The following PLEKHA7 variants were observed in gnomAD, a reference collection of about 807,000 sequenced individuals.
The protein encoded by PLEKHA7 is pleckstrin homology domain-containing family A member 7.
In PLEKHA7, 104 loss-of-function variants were observed where a neutral mutation model predicts 170.0. That is an observed-to-expected ratio of 0.61 (90% CI 0.52 to 0.72). The LOEUF (loss-of-function observed/expected upper bound fraction) is 0.72. PLEKHA7 is among the 30% of genes least tolerant of loss of function. PLEKHA7 has a pLI of 0.00. For missense variants in PLEKHA7, 1,615 were observed against 1,671.7 expected (o/e 0.97, Z 0.59); for synonymous variants, 648 against 660.8 (o/e 0.98, Z 0.30).
At chr11:16,908,191 C>T (rs541377121) in intron 3 of PLEKHA7, among the ~76,000 whole-genome samples, 1 of 150,126 alleles carries the variant, frequency 6.7e-6, no homozygotes, top group African/African-American at 2.4e-5. Context: ...TGCTGACCTT[C>T]CCTCCACTAC....
intron 3 of PLEKHA7, among the ~76,000 whole-genome samples, chr11:16,951,184 C>T (rs1861382346): frequency 6.6e-6 from 1 of 152,136 alleles, no homozygotes; most frequent in Admixed American, 6.5e-5. Flanking sequence ...CGTATCTTAC[C>T]CAGTGTTACA....
At chr11:16,869,154 C>T (rs1290047250) in intron 4 of PLEKHA7, among the ~76,000 whole-genome samples, 2 of 152,210 alleles carry the variant, frequency 1.3e-5, no homozygotes, top group African/African-American at 4.8e-5. Flanking sequence ...TTTTACACAG[C>T]AGTTCTTTAT....
intron 3 of PLEKHA7, among the ~76,000 whole-genome samples, chr11:16,907,407 GGCCA>G (rs1857879935): frequency 8.4e-6 from 1 of 118,878 alleles, no homozygotes. Context: ...CCCCCCGCCC[GGCCA>G]GCCGCCCCGT....
chr11:17,014,164 T>TG lies in PLEKHA7; in HGVS notation c.123dup (p.Thr42HisfsTer35). 1 of 1,601,544 alleles carries TG rather than the reference T, an allele frequency of 6.2e-7. No individual in the cohort carries two copies. The highest frequency in any genetic ancestry group is 8.5e-7 in the Non-Finnish European group (1 of 1,175,508). On this transcript the variant is annotated frameshift_variant, in exon 2 of 27. Transcript: ENST00000531066. LOFTEE classifies it high-confidence loss of function. ...TGGCCCGAGTTGACGGGCTCCCCGG[T>TG]GCGCGGATGCAGCCAGGTCGTGCAG...
chr11:16,830,273 T>C lies in PLEKHA7; in HGVS notation c.873-3683A>G, dbSNP rs1564977015. On this transcript the variant is annotated intron_variant, in intron 9 of 26. Coordinates refer to ENST00000531066, the MANE Select transcript of PLEKHA7 (RefSeq NM_001329630.2). ...TGCTGGGATTACAGGCACCAACCAC[T>C]GTGCCAGGCCTATTTTCTTTATTAT... Among the ~76,000 whole-genome samples the C allele has an allele frequency of 2.6e-5, 4 of 152,214 alleles. No individual in the cohort carries two copies. The East Asian group carries it at 7.7e-4, about 29-fold the overall frequency.
intron 9 of PLEKHA7, among the ~76,000 whole-genome samples, chr11:16,832,686 G>A (rs1290131878): frequency 6.6e-6 from 1 of 152,166 alleles, no homozygotes; most frequent in Non-Finnish European, 1.5e-5. Flanking sequence ...TTGAACCTTA[G>A]TCCTGATGTC....
chr11:16,960,481 G>A (rs56918856), intron 3 of PLEKHA7, among the ~76,000 whole-genome samples: 8,956 of 152,152 alleles, frequency 0.059, 851 homozygotes, highest in African/African-American at 0.2. Context: ...CACCTCCACC[G>A]CCATGGGCAG....
intron 3 of PLEKHA7, among the ~76,000 whole-genome samples, chr11:16,924,026 C>T (rs993189450): frequency 6.6e-6 from 1 of 152,082 alleles, no homozygotes; most frequent in Non-Finnish European, 1.5e-5. Context: ...AACCAACCCC[C>T]GTCCCTCCCA....
intron 3 of PLEKHA7, among the ~76,000 whole-genome samples, chr11:16,940,974 C>G (rs914877448): frequency 1.6e-4 from 24 of 152,162 alleles, no homozygotes; most frequent in African/African-American, 5.6e-4. Flanking sequence ...ACCAGGTGCC[C>G]TCCACTCTCT....
chr11:16,840,093 A>G (rs1851830998), intron 9 of PLEKHA7, among the ~76,000 whole-genome samples: 1 of 152,202 alleles, frequency 6.6e-6, no homozygotes, highest in South Asian at 2.1e-4. Flanking sequence ...CAATGCTGGA[A>G]GTAGAGCCAA....
chr11:16,813,786 C>A (rs1849549193), intron 12 of PLEKHA7, among the ~76,000 whole-genome samples: 1 of 152,170 alleles, frequency 6.6e-6, no homozygotes, highest in Non-Finnish European at 1.5e-5. Context: ...GAGGCAGGTG[C>A]AAGGTCAGAC....
In PLEKHA7 at chr11:16,822,030, G is replaced by A. The variant is rs186348405; in HGVS notation, c.1343+4090C>T. 3.0e-3 allele frequency among the ~76,000 whole-genome samples: 452 copies of A among 150,036 alleles called. 2 individuals are homozygous for A. Among genetic ancestry groups the A allele is most frequent in the African/African-American group, 0.01 (421 of 40,956 alleles). On this transcript the variant is annotated intron_variant, in intron 10 of 26. Transcript: ENST00000531066. ...TCTTGCATCCCAGGGAAAGTCCTAT[G>A]CCCTCCCCACCCACCTCTCATTTCC... is the stretch of plus-strand genomic sequence containing the variant.
Position 16,841,696 on chromosome 11 carries a change from G to A in PLEKHA7, c.723C>T (p.Leu241=), listed in dbSNP as rs758114512. Residue 241 remains leucine, a synonymous_variant, in exon 9 of 27, where the codon CTC becomes CTT. Transcript: ENST00000531066. ...FKAVHTGMRA[L]IYNSSTAGSQ... ...AGCCCGCTGTGGAGCTGTTATAGATGAGCGCTCGCATCCCCGTGTGCACAG... is the reference window on the plus strand; with the variant it reads ...AGCCCGCTGTGGAGCTGTTATAGATAAGCGCTCGCATCCCCGTGTGCACAG... 1.2e-6 allele frequency: 2 copies of A among 1,614,100 alleles called. No individual in the cohort carries two copies. Among genetic ancestry groups the A allele is most frequent in the South Asian group, 1.1e-5 (1 of 91,080 alleles).
Position 16,788,928 on chromosome 11 carries a change from T to C in PLEKHA7, c.3357+168A>G, listed in dbSNP as rs532047777. 9.8e-5 allele frequency: 80 copies of C among 818,832 alleles called. 1 individual carries two copies. In the African/African-American group the frequency reaches 1.2e-3, roughly 12 times the overall value. 50.7% of individuals were successfully genotyped at this position (818,832 alleles called of 1,614,324 possible). A position where few individuals can be genotyped will look rare whatever the true frequency, so the allele number is the denominator to read the frequency against. ...GTTCAGGTCACCCTCTGACCAGGCA[T>C]TCGTCCAGCCTGGGTCGTGGACAAA... On this transcript the variant is annotated intron_variant, in intron 23 of 26. Transcript: ENST00000531066.
chr11:16,882,346 G>A (rs1430539642), intron 3 of PLEKHA7, among the ~76,000 whole-genome samples: 4 of 152,130 alleles, frequency 2.6e-5, no homozygotes, highest in African/African-American at 9.7e-5. Flanking sequence ...TTAAACCAAA[G>A]AAGCTCAAGC....
In PLEKHA7 at chr11:16,789,479, G is replaced by A; in HGVS notation, c.3157-183C>T. ...AACACGATGCCCCCAACCCTCAGGA[G>A]CTTTCTGAGTAGCACCCATTCTGCA... On this transcript the variant is annotated intron_variant, in intron 22 of 26. Transcript: ENST00000531066. The surrounding 1 kb of genome is among the most constrained non-coding windows in gnomAD (Gnocchi z 4.6). 1 of 648,610 alleles carries A rather than the reference G, an allele frequency of 1.5e-6. No homozygotes were observed. The highest frequency in any genetic ancestry group is 2.7e-6 in the Non-Finnish European group (1 of 376,852). The allele number at this position is 648,610 out of a possible 1,614,324, so 40.2% of individuals were successfully genotyped here.
chr11:16,815,519 C>T (rs1157004008), intron 12 of PLEKHA7, among the ~76,000 whole-genome samples: 1 of 152,184 alleles, frequency 6.6e-6, no homozygotes, highest in East Asian at 1.9e-4. Flanking sequence ...CTCACCCAGA[C>T]TCAAGCTTTT....
intron 4 of PLEKHA7, among the ~76,000 whole-genome samples, chr11:16,861,001 A>AT (rs1474077289): frequency 6.6e-6 from 1 of 152,232 alleles, no homozygotes; most frequent in African/African-American, 2.4e-5. Context: ...ACAAAGCATT[A>AT]TTTGGAACTG....
chr11:16,873,250 ACT>A (rs1855009719), intron 3 of PLEKHA7, among the ~76,000 whole-genome samples: 1 of 151,752 alleles, frequency 6.6e-6, no homozygotes, highest in South Asian at 2.1e-4. Flanking sequence ...TAAAAGAAAA[ACT>A]CTCTAGGCCT....
Sources: gnomAD v4.1 joint callset for allele counts (sites outside exome capture counted in the v4.1 genomes callset) on GRCh38, gnomAD v4.1.1 for gene constraint, Gnocchi (gnomAD v3.1) non-coding constraint, MANE v1.5 for transcripts, NCBI Gene and HGNC (gene_info 2026-07-23, HGNC 2026-07-21) for gene names.